GSG1L: variants seen among roughly 807,000 people sequenced by gnomAD.
GSG1L encodes germ cell-specific gene 1-like protein.
GSG1L carries 24 observed loss-of-function variants against 42.1 expected under a neutral mutation model. That is an observed-to-expected ratio of 0.57 (90% CI 0.41 to 0.80). The LOEUF is 0.80. GSG1L is among the 30% of genes least tolerant of loss of function. The pLI, the probability that GSG1L is intolerant of heterozygous loss-of-function variation, is 0.00. For synonymous variants in GSG1L, 215 were observed against 203.5 expected (o/e 1.06, Z -0.48); for missense variants, 445 against 472.2 (o/e 0.94, Z 0.53).
rs1596584697 is a variant in GSG1L at position 27,884,894 on chromosome 16, G to A, written c.398-256C>T. ...AACTTTTATCCTGTGGCTGGACCAAGGGCTCCCTTTCTTTCTCATGGATTA... is the reference window on the plus strand; with the variant it reads ...AACTTTTATCCTGTGGCTGGACCAAAGGCTCCCTTTCTTTCTCATGGATTA... On this transcript the variant is annotated intron_variant, in intron 2 of 6. Transcript: ENST00000447459. This position sits in a 1 kb window ranked among gnomAD's most constrained non-coding sequence, Gnocchi z 4.4. 6.6e-6 allele frequency among the ~76,000 whole-genome samples: 1 copy of A among 152,110 alleles called. No homozygotes were observed. The highest frequency in any genetic ancestry group is 1.9e-4 in the East Asian group (1 of 5,194).
chr16:27,811,714 T>A (rs919559837), intron 5 of GSG1L, among the ~76,000 whole-genome samples: 5 of 152,250 alleles, frequency 3.3e-5, no homozygotes, highest in Non-Finnish European at 5.9e-5. Flanking sequence ...AGTGGTGTGA[T>A]CTTGGCTCAC....
chr16:28,055,102 G>A lies in GSG1L; in HGVS notation c.349+7974C>T, dbSNP rs147643083. 5.3e-3 allele frequency among the ~76,000 whole-genome samples: 809 copies of A among 152,308 alleles called. 7 individuals carry two copies. Among genetic ancestry groups the A allele is most frequent in the Non-Finnish European group, 6.8e-3 (466 of 68,038 alleles). On this transcript the variant is annotated intron_variant, in intron 1 of 6. Coordinates refer to ENST00000447459, the MANE Select transcript of GSG1L (RefSeq NM_001109763.2). Reference sequence around the variant, plus strand: ...AGCCTCCAGGAGCCCAGTGGCCCTGGCTCTGGCCTCTGAGGGGTGGTGATT... The same window carrying A: ...AGCCTCCAGGAGCCCAGTGGCCCTGACTCTGGCCTCTGAGGGGTGGTGATT...
intron 2 of GSG1L, among the ~76,000 whole-genome samples, chr16:27,907,652 CTG>C (rs2084335341): frequency 6.6e-6 from 1 of 152,228 alleles, no homozygotes; most frequent in African/African-American, 2.4e-5. Context: ...AAGCTTCAGA[CTG>C]TGTGATCTGA....
At chr16:27,794,895 T>C (rs574202292) in intron 6 of GSG1L, among the ~76,000 whole-genome samples, 89 of 152,184 alleles carry the variant, frequency 5.8e-4, no homozygotes, top group Non-Finnish European at 1.0e-3. Flanking sequence ...TTTTTTCAAA[T>C]GCTGCCTGCT....
In GSG1L at chr16:27,787,986, C is replaced by T. The variant is rs1416228762; in HGVS notation, c.*3384G>A. Reference sequence around the variant, plus strand: ...TTTCCAGCCCCGCCTTAAGCCCCACCTAGTAGGTCATTAATATTTACTGAA... The same window carrying T: ...TTTCCAGCCCCGCCTTAAGCCCCACTTAGTAGGTCATTAATATTTACTGAA... On this transcript the variant is annotated 3_prime_UTR_variant, in exon 7 of 7. Coordinates refer to ENST00000447459, the MANE Select transcript of GSG1L (RefSeq NM_001109763.2). 7.3e-6 allele frequency: 1 copy of T among 136,572 alleles called. No individual in the cohort carries two copies. The highest frequency in any genetic ancestry group is 2.5e-5 in the African/African-American group (1 of 40,422). The allele number at this position is 136,572 out of a possible 1,614,324, so 8.5% of individuals were successfully genotyped here.
intron 1 of GSG1L, among the ~76,000 whole-genome samples, chr16:28,022,582 C>G (rs2085856424): frequency 6.6e-6 from 1 of 152,098 alleles, no homozygotes; most frequent in African/African-American, 2.4e-5. Flanking sequence ...TCAAGCAATT[C>G]TCGTGACTCA....
At chr16:27,973,824 G>A (rs1044784073) in intron 1 of GSG1L, among the ~76,000 whole-genome samples, 1 of 152,124 alleles carries the variant, frequency 6.6e-6, no homozygotes, top group East Asian at 1.9e-4. Context: ...ACCACCAGGG[G>A]GTACAGCTGG....
chr16:27,888,927 G>GATAGATATAGATATAGAC (rs2084088259), intron 2 of GSG1L, among the ~76,000 whole-genome samples: 1 of 142,110 alleles, frequency 7.0e-6, no homozygotes, highest in African/African-American at 2.6e-5. Flanking sequence ...CTTGTGCTTA[G>GATAGATATAGATATAGAC]ATAGATATAG....
Position 27,791,839 on chromosome 16 carries a change from T to C in GSG1L, c.899-372A>G, listed in dbSNP as rs143985996. On this transcript the variant is annotated intron_variant, in intron 6 of 6. Coordinates refer to ENST00000447459, the MANE Select transcript of GSG1L (RefSeq NM_001109763.2). ...AACAGGTGCACCACTCCCCCAGCCA[T>C]CCTCCTACCACCCAGTAACCCAACC... Among the ~76,000 whole-genome samples, 639 of 151,920 alleles carry C rather than the reference T, an allele frequency of 4.2e-3. 7 individuals carry two copies. The highest frequency in any genetic ancestry group is 0.014 in the African/African-American group (587 of 41,422).
At chr16:28,024,759 G>A (rs2085881694) in intron 1 of GSG1L, among the ~76,000 whole-genome samples, 1 of 152,190 alleles carries the variant, frequency 6.6e-6, no homozygotes, top group East Asian at 1.9e-4. Context: ...CTATTGTGAG[G>A]ATTAAATGAG....
intron 1 of GSG1L, among the ~76,000 whole-genome samples, chr16:27,992,519 C>T (rs1440250763): frequency 2.0e-5 from 3 of 151,088 alleles, no homozygotes; most frequent in African/African-American, 7.3e-5. Flanking sequence ...GGAATATTTT[C>T]TGGAGGGTGG....
At chr16:28,055,317 T>G (rs1212404503) in intron 1 of GSG1L, among the ~76,000 whole-genome samples, 1 of 151,490 alleles carries the variant, frequency 6.6e-6, no homozygotes, top group Non-Finnish European at 1.5e-5. Flanking sequence ...CCACCACACT[T>G]ATCTAATTTT....
At chr16:27,885,227 G>A (rs1251439305) in intron 2 of GSG1L, among the ~76,000 whole-genome samples, 1 of 152,082 alleles carries the variant, frequency 6.6e-6, no homozygotes, top group Admixed American at 6.6e-5. Context: ...ACGGTTCACT[G>A]CAGCCTCAAA....
intron 3 of GSG1L, among the ~76,000 whole-genome samples, chr16:27,864,482 C>A (rs2083692133): frequency 6.6e-6 from 1 of 152,170 alleles, no homozygotes; most frequent in Non-Finnish European, 1.5e-5. Context: ...ACAGCCACAT[C>A]CCTGCAGTTC....
chr16:28,024,801 G>A (rs748731137), intron 1 of GSG1L, among the ~76,000 whole-genome samples: 22 of 152,208 alleles, frequency 1.4e-4, no homozygotes, highest in Non-Finnish European at 2.1e-4. Flanking sequence ...GGCTGCCAAT[G>A]ACAGCTGTTC....
At position 28,040,159 on chromosome 16, in the gene GSG1L, G is replaced by A. The variant is rs1243744509; in HGVS notation, c.349+22917C>T. Among the ~76,000 whole-genome samples, 1 of 152,096 alleles carries A rather than the reference G, an allele frequency of 6.6e-6. No individual in the cohort carries two copies. The highest frequency in any genetic ancestry group is 1.5e-5 in the Non-Finnish European group (1 of 68,020). On this transcript the variant is annotated intron_variant, in intron 1 of 6. Coordinates refer to ENST00000447459, the MANE Select transcript of GSG1L (RefSeq NM_001109763.2). This position sits in a 1 kb window ranked among gnomAD's most constrained non-coding sequence, Gnocchi z 4.1. ...CCCTAGCTGCCATCGTCTCCTTCATGGACCGCTGCAGTCGCCTCCTAACTG... is the reference window on the plus strand; with the variant it reads ...CCCTAGCTGCCATCGTCTCCTTCATAGACCGCTGCAGTCGCCTCCTAACTG...
chr16:27,871,474 T>C (rs1473977529), intron 3 of GSG1L, among the ~76,000 whole-genome samples: 1 of 152,074 alleles, frequency 6.6e-6, no homozygotes, highest in East Asian at 1.9e-4. Flanking sequence ...AAACCCCGTC[T>C]CTACAAAAAA....
intron 1 of GSG1L, among the ~76,000 whole-genome samples, chr16:28,034,502 T>C (rs1355732281): frequency 1.3e-5 from 2 of 152,202 alleles, no homozygotes. Flanking sequence ...TAACATCAAC[T>C]GGTTTCAGTA....
At chr16:27,874,831 A>T (rs2083868010) in intron 3 of GSG1L, among the ~76,000 whole-genome samples, 1 of 152,220 alleles carries the variant, frequency 6.6e-6, no homozygotes. Flanking sequence ...CTAGTGAATT[A>T]TCGAAGCCTT....
Sources: allele counts gnomAD v4.1 joint callset (sites outside exome capture counted in the v4.1 genomes callset), GRCh38; gene constraint gnomAD v4.1.1; non-coding constraint Gnocchi (gnomAD v3.1); transcripts MANE v1.5; gene names NCBI Gene and HGNC (gene_info 2026-07-23, HGNC 2026-07-21).